The following PTPN11 variants were observed in gnomAD, a reference collection of about 807,000 sequenced individuals.
PTPN11 encodes tyrosine-protein phosphatase non-receptor type 11.
In PTPN11, 6 loss-of-function variants were observed where a neutral mutation model predicts 78.8. The observed-to-expected ratio is 0.08, with a 90% CI of 0.04 to 0.15. The LOEUF is 0.15. Among genes scored for constraint, PTPN11 ranks in the 10% least tolerant of loss-of-function variants. The pLI is 1.00. For missense variants in PTPN11, 386 were observed against 744.8 expected (o/e 0.52, Z 5.61); for synonymous variants, 221 against 263.5 (o/e 0.84, Z 1.56).
At chr12:112,436,486 G>A (rs2037792984) in intron 1 of PTPN11, among the ~76,000 whole-genome samples, 1 of 152,130 alleles carries the variant, frequency 6.6e-6, no homozygotes, top group Non-Finnish European at 1.5e-5. Flanking sequence ...CAGTGGTTTG[G>A]CTCTGTAGGT....
chr12:112,485,712 C>T (rs1245874741), intron 10 of PTPN11, among the ~76,000 whole-genome samples: 1 of 152,166 alleles, frequency 6.6e-6, no homozygotes, highest in African/African-American at 2.4e-5. Context: ...CTGGGTGGCT[C>T]ACGCCTGTAA....
In PTPN11 at chr12:112,438,518, G is replaced by A. The variant is rs1301062375; in HGVS notation, c.15-7758G>A. On this transcript the variant is annotated intron_variant, in intron 1 of 15. Transcript: ENST00000351677. ...TTTTTTTGAGACGAAGTCTTGCTCT[G>A]TCCCCCAGATTGGAGTGTAGTGGTG... Among the ~76,000 whole-genome samples the A allele has an allele frequency of 2.0e-5, 3 of 150,702 alleles. No homozygotes were observed. The East Asian group carries it at 5.8e-4, about 29-fold the overall frequency.
chr12:112,471,738 C>T (rs971411286), intron 6 of PTPN11, among the ~76,000 whole-genome samples: 1 of 150,746 alleles, frequency 6.6e-6, no homozygotes, highest in African/African-American at 2.4e-5. Context: ...TCACCATTAC[C>T]TATTTGGTTC....
chr12:112,495,254 T>G (rs1159973420), intron 13 of PTPN11, among the ~76,000 whole-genome samples: 1 of 152,214 alleles, frequency 6.6e-6, no homozygotes, highest in Non-Finnish European at 1.5e-5. Flanking sequence ...TGAATATCCT[T>G]TTTCTGTTCC....
chr12:112,440,565 T>A (rs1305304675), intron 1 of PTPN11, among the ~76,000 whole-genome samples: 16 of 127,628 alleles, frequency 1.3e-4, no homozygotes, highest in Non-Finnish European at 2.1e-4. Context: ...TGCCTGGCCT[T>A]TTTTTTTTTT....
At position 112,502,249 on chromosome 12, in the gene PTPN11, T is replaced by C. The variant is rs1420924484; in HGVS notation, c.1705T>C (p.Cys569Arg). The change falls in exon 14 of 16, where the codon TGT (cysteine) becomes CGT (arginine). Residue 569 changes from cysteine to arginine, a missense_variant. Transcript: ENST00000351677. ...CCCGCCTTGTACTCCAACGCCACCC[T>C]GTGCAGAGTAAGTAGTGCTGAAGGA... ...PLPPCTPTPPCAEMREDSARV... is the reference protein window; with the variant it reads ...PLPPCTPTPPRAEMREDSARV... The C allele has an allele frequency of 9.3e-6, 15 of 1,612,020 alleles. No homozygotes were observed. Among genetic ancestry groups the C allele is most frequent in the Non-Finnish European group, 1.3e-5 (15 of 1,178,108 alleles).
intron 12 of PTPN11, among the ~76,000 whole-genome samples, chr12:112,488,774 C>G (rs972652912): frequency 6.6e-6 from 1 of 152,152 alleles, no homozygotes; most frequent in African/African-American, 2.4e-5. Flanking sequence ...GCCACCTGAC[C>G]TTGTTTACAG....
At position 112,450,509 on chromosome 12, in the gene PTPN11, A is replaced by G. The variant is rs397507519; in HGVS notation, c.329A>G (p.Glu110Gly). Residue 110 changes from glutamate (E) to glycine (G), a missense_variant, in exon 3 of 16, where the codon GAA (glutamate) becomes GGA (glycine). Physicochemically the swap from Glu to Gly is moderately conservative, Grantham distance 98 (BLOSUM62 -2). Coordinates refer to ENST00000351677, the MANE Select transcript of PTPN11 (RefSeq NM_002834.5). ...CTGAACTGTGCAGATCCTACCTCTG[A>G]AAGGTCAGTAACATTTTAGTGACCA... ...YPLNCADPTS[E>G]RWFHGHLSGK... 2 of 1,613,766 alleles carry G rather than the reference A, an allele frequency of 1.2e-6. No individual in the cohort carries two copies. The highest frequency in any genetic ancestry group is 1.7e-6 in the Non-Finnish European group (2 of 1,179,686).
At chr12:112,423,328 C>T (rs2037554096) in intron 1 of PTPN11, among the ~76,000 whole-genome samples, 3 of 152,134 alleles carry the variant, frequency 2.0e-5, no homozygotes, top group African/African-American at 7.2e-5. Context: ...CTCAGTCACC[C>T]AGGCTGGAGT....
intron 6 of PTPN11, 25 bp from the exon 7 acceptor site, chr12:112,472,919 A>AATATTGACTTTTCTTTC (rs1395595198): frequency 4.5e-6 from 7 of 1,541,044 alleles, no homozygotes; most frequent in Non-Finnish European, 6.3e-6. Context: ...GACACGTAAT[A>AATATTGACTTTTCTTTC]ATATTGACTT....
At chr12:112,452,890 A>G (rs1216778633) in intron 3 of PTPN11, among the ~76,000 whole-genome samples, 2 of 152,210 alleles carry the variant, frequency 1.3e-5, no homozygotes, top group Admixed American at 6.5e-5. Context: ...GCAATGGACG[A>G]ATGGCAAATT....
intron 13 of PTPN11, among the ~76,000 whole-genome samples, chr12:112,491,236 A>T (rs2038740948): frequency 6.6e-6 from 1 of 151,186 alleles, no homozygotes; most frequent in Non-Finnish European, 1.5e-5. Flanking sequence ...AGTTCCTTGG[A>T]GGTAGACTTT....
chr12:112,429,483 T>A (rs1379486626), intron 1 of PTPN11, among the ~76,000 whole-genome samples: 1 of 136,584 alleles, frequency 7.3e-6, no homozygotes, highest in Non-Finnish European at 1.6e-5. Flanking sequence ...TGAAACTACT[T>A]TTTTTTTTTT....
intron 1 of PTPN11, among the ~76,000 whole-genome samples, chr12:112,444,853 T>A (rs796278367): frequency 6.6e-6 from 1 of 152,148 alleles, no homozygotes; most frequent in African/African-American, 2.4e-5. Flanking sequence ...TGGCCCACAA[T>A]AGGATGTTCC....
chr12:112,505,608 G>A (rs531740386), intron 15 of PTPN11, among the ~76,000 whole-genome samples: 1 of 133,208 alleles, frequency 7.5e-6, no homozygotes, highest in Non-Finnish European at 1.5e-5. Context: ...AGTGTGCCAA[G>A]ATCGCGCCAT....
At chr12:112,429,820 C>A (rs1263969707) in intron 1 of PTPN11, among the ~76,000 whole-genome samples, 4 of 149,916 alleles carry the variant, frequency 2.7e-5, no homozygotes, top group Non-Finnish European at 5.9e-5. Flanking sequence ...AAAACAACAA[C>A]AAAAAAAGAA....
chr12:112,505,313 C>T (rs769282173), intron 15 of PTPN11, among the ~76,000 whole-genome samples: 22 of 152,116 alleles, frequency 1.4e-4, no homozygotes, highest in Non-Finnish European at 1.2e-4. Context: ...CATATGTTGC[C>T]TCCCCATCAA....
At chr12:112,423,276 A>G (rs1489806518) in intron 1 of PTPN11, among the ~76,000 whole-genome samples, 1 of 152,172 alleles carries the variant, frequency 6.6e-6, no homozygotes, top group Non-Finnish European at 1.5e-5. Flanking sequence ...AGCTAGTACC[A>G]AAATGAAATT....
rs780312228 is a variant in PTPN11, at chr12:112,456,080, CTGTTTTTACGTGAGT to C, written c.756+22_756+36del. On this transcript the variant is annotated intron_variant, in intron 6 of 15. Transcript: ENST00000351677. ...GAATTTGAGGTAAGTTATTAAAAAACTGTTTTTACGTGAGTTGTTATATCCTATTTTTAGTGGAGG... is the reference window on the plus strand; with the variant it reads ...GAATTTGAGGTAAGTTATTAAAAAACTGTTATATCCTATTTTTAGTGGAGG... 5 of 1,520,750 alleles carry C rather than the reference CTGTTTTTACGTGAGT, an allele frequency of 3.3e-6. No homozygotes were observed. Among genetic ancestry groups the C allele is most frequent in the Non-Finnish European group, 4.6e-6 (5 of 1,095,700 alleles). 94.2% of individuals were successfully genotyped at this position (1,520,750 alleles called of 1,614,324 possible).
Sources: allele counts gnomAD v4.1 joint callset (sites outside exome capture counted in the v4.1 genomes callset), GRCh38; gene constraint gnomAD v4.1.1; transcripts MANE v1.5; gene names NCBI Gene and HGNC (gene_info 2026-07-23, HGNC 2026-07-21).